Variants in CCR5AS observed in about 807,000 individuals in gnomAD.
CCR5AS encodes the protein CCR5 antisense RNA.
chr3:46,377,301 C>T (rs766436157), intron 2 of CCR5AS, among the ~76,000 whole-genome samples: 24 of 152,202 alleles, frequency 1.6e-4, no homozygotes, highest in Non-Finnish European at 2.8e-4. Context: ...TTTCAACTCA[C>T]GACCTTCAGG....
At chr3:46,396,275 C>G (rs1283038734) in intron 1 of CCR5AS, among the ~76,000 whole-genome samples, 1 of 151,880 alleles carries the variant, frequency 6.6e-6, no homozygotes, top group Non-Finnish European at 1.5e-5. Context: ...CTGGGCACTT[C>G]ACACTCCAAT....
At chr3:46,384,220 A>T (rs34445878) in intron 2 of CCR5AS, among the ~76,000 whole-genome samples, 20,288 of 152,244 alleles carry the variant, frequency 0.13, 1,507 homozygotes, top group Non-Finnish European at 0.15. Flanking sequence ...GATTGGTCAG[A>T]CCAGGTGTGA....
chr3:46,392,046 A>C (rs999309626), intron 2 of CCR5AS, among the ~76,000 whole-genome samples: 1 of 152,194 alleles, frequency 6.6e-6, no homozygotes, highest in Non-Finnish European at 1.5e-5. Flanking sequence ...AATTATCTAG[A>C]TCTTGTAGGA....
intron 2 of CCR5AS, among the ~76,000 whole-genome samples, chr3:46,385,150 A>G (rs1438482724): frequency 2.6e-5 from 4 of 152,194 alleles, no homozygotes; most frequent in African/African-American, 7.2e-5. Flanking sequence ...TTATCACTCC[A>G]CAGTCCCCAT....
intron 1 of CCR5AS, among the ~76,000 whole-genome samples, chr3:46,404,559 A>T (rs752489556): frequency 2.6e-5 from 4 of 151,894 alleles, no homozygotes; most frequent in Non-Finnish European, 5.9e-5. Flanking sequence ...GCTGTTCTCA[A>T]ACTCCTGACC....
intron 1 of CCR5AS, among the ~76,000 whole-genome samples, chr3:46,395,509 G>A (rs1297619348): frequency 8.5e-5 from 13 of 152,166 alleles, no homozygotes. Flanking sequence ...GGGAGTAAGA[G>A]GAAGTGTCAG....
At chr3:46,387,783 G>C (rs1269800747) in intron 2 of CCR5AS, among the ~76,000 whole-genome samples, 1 of 152,148 alleles carries the variant, frequency 6.6e-6, no homozygotes, top group Non-Finnish European at 1.5e-5. Context: ...TCTGAAAAAA[G>C]AGTCAGCAAA....
chr3:46,372,454 G>T (rs1209789072), intron 2 of CCR5AS, among the ~76,000 whole-genome samples: 2 of 152,072 alleles, frequency 1.3e-5, no homozygotes, highest in African/African-American at 4.8e-5. Flanking sequence ...CTTGAGCCCG[G>T]GATGGTCCAG....
At chr3:46,373,982 T>A (rs540992448) in intron 2 of CCR5AS, 2 of 1,532,170 alleles carry the variant, frequency 1.3e-6, no homozygotes, top group Non-Finnish European at 1.8e-6. Context: ...AGTGGGCTGG[T>A]GACCCAGTCA....
At chr3:46,383,966 A>T (rs1423256373) in intron 2 of CCR5AS, among the ~76,000 whole-genome samples, 2 of 152,256 alleles carry the variant, frequency 1.3e-5, no homozygotes, top group Non-Finnish European at 2.9e-5. Context: ...TTGAAGTGGC[A>T]TCATTGTCTG....
intron 1 of CCR5AS, among the ~76,000 whole-genome samples, chr3:46,405,634 CCACT>C (rs1469440241): frequency 6.6e-6 from 1 of 151,796 alleles, no homozygotes; most frequent in African/African-American, 2.4e-5. Flanking sequence ...ACCATGACCC[CCACT>C]CACTCACTCA....
At chr3:46,384,622 A>G (rs1701842815) in intron 2 of CCR5AS, among the ~76,000 whole-genome samples, 1 of 152,242 alleles carries the variant, frequency 6.6e-6, no homozygotes, top group African/African-American at 2.4e-5. Context: ...TGAGAGCCAG[A>G]TGAGGATGAG....
At chr3:46,391,867 G>A (rs1701917259) in intron 2 of CCR5AS, among the ~76,000 whole-genome samples, 1 of 152,122 alleles carries the variant, frequency 6.6e-6, no homozygotes, top group Non-Finnish European at 1.5e-5. Flanking sequence ...CGTAGAAAAG[G>A]AGGATTCAAA....
At chr3:46,364,715 T>C (rs994603843) in exon 4 of CCR5AS, among the ~76,000 whole-genome samples, 3 of 152,128 alleles carry the variant, frequency 2.0e-5, no homozygotes, top group Admixed American at 2.0e-4. Context: ...GCAAAGCAAA[T>C]TGAAAAGCTT....
chr3:46,364,619 G>T (rs187541250), exon 4 of CCR5AS, among the ~76,000 whole-genome samples: 119 of 143,702 alleles, frequency 8.3e-4, no homozygotes, highest in Non-Finnish European at 1.3e-3. Context: ...ATTTCATAAG[G>T]CTATTAAGAA....
intron 2 of CCR5AS, among the ~76,000 whole-genome samples, chr3:46,387,247 C>T (rs955164567): frequency 6.6e-6 from 1 of 152,140 alleles, no homozygotes; most frequent in Non-Finnish European, 1.5e-5. Context: ...AGACGCAGTG[C>T]CCTGGAAAGG....
chr3:46,374,282 G>A (rs962500340), intron 2 of CCR5AS: 5 of 232,334 alleles, frequency 2.2e-5, no homozygotes, highest in African/African-American at 1.1e-4. Flanking sequence ...GAAAGCCTCA[G>A]AGAATTGCTG....
chr3:46,388,943 C>T (rs1701884797), intron 2 of CCR5AS, among the ~76,000 whole-genome samples: 1 of 152,078 alleles, frequency 6.6e-6, no homozygotes, highest in Admixed American at 6.6e-5. Flanking sequence ...GGGGATAGTA[C>T]CAGGAGATAT....
chr3:46,373,725 T>C (rs1295959919), intron 2 of CCR5AS: 1 of 1,614,106 alleles, frequency 6.2e-7, no homozygotes, highest in East Asian at 2.2e-5. Flanking sequence ...CTCTAACAGG[T>C]TGGACCAAGC....
Sources: allele counts gnomAD v4.1 joint callset (sites outside exome capture counted in the v4.1 genomes callset), GRCh38; gene constraint gnomAD v4.1.1; transcripts MANE v1.5; gene names NCBI Gene and HGNC (gene_info 2026-07-23, HGNC 2026-07-21).